The following ZC3H7B variants were observed in gnomAD, a reference collection of about 807,000 sequenced individuals.
The protein encoded by ZC3H7B is zinc finger CCCH domain-containing protein 7B.
ZC3H7B carries 35 observed loss-of-function variants against 116.0 expected under a neutral mutation model. The ratio of observed to expected loss-of-function variants is 0.30; its 90% CI spans 0.23 to 0.40. The LOEUF is 0.40. ZC3H7B is among the 10% of genes least tolerant of loss of function. ZC3H7B has a pLI of 1.00. For synonymous variants in ZC3H7B, 502 were observed against 545.6 expected (o/e 0.92, Z 1.11); for missense variants, 1,011 against 1,321.5 (o/e 0.77, Z 3.64).
At chr22:41,343,873 T>C (rs1240550371) in intron 13 of ZC3H7B, among the ~76,000 whole-genome samples, 6 of 152,064 alleles carry the variant, frequency 3.9e-5, no homozygotes, top group Non-Finnish European at 7.4e-5. Context: ...ACATGACTCA[T>C]AGGGGGCTGG....
intron 1 of ZC3H7B, among the ~76,000 whole-genome samples, chr22:41,307,951 CCAA>C (rs1019085076): frequency 4.6e-5 from 7 of 152,320 alleles, no homozygotes; most frequent in African/African-American, 1.4e-4. Context: ...CTAACTACCA[CCAA>C]CATTTGTGTC....
At chr22:41,352,633 G>T (rs1402289636) in intron 17 of ZC3H7B, among the ~76,000 whole-genome samples, 1 of 151,838 alleles carries the variant, frequency 6.6e-6, no homozygotes, top group Non-Finnish European at 1.5e-5. Flanking sequence ...GTGGTGGCGG[G>T]CGCCTGTAGT....
chr22:41,320,933 C>G (rs958261167), intron 2 of ZC3H7B, among the ~76,000 whole-genome samples: 1 of 152,186 alleles, frequency 6.6e-6, no homozygotes, highest in Non-Finnish European at 1.5e-5. Flanking sequence ...GGTTACCCTT[C>G]AATCTTGTCC....
At chr22:41,329,851 C>T (rs187304924) in intron 5 of ZC3H7B, among the ~76,000 whole-genome samples, 172 bp from the exon 6 acceptor site, 182 of 152,344 alleles carry the variant, frequency 1.2e-3, no homozygotes, top group Middle Eastern at 3.4e-3. Context: ...GGTGCCACCA[C>T]TCACTAGCTG....
In ZC3H7B at chr22:41,339,110, C is replaced by T. The variant is rs768857845; in HGVS notation, c.735C>T (p.Thr245=). ...DLLAPLDSSR[T]LPSTDSLDDF... is the part of the protein sequence containing the mutation. The stretch of plus-strand genomic sequence containing the variant: ...TGGCCCCCCTGGACAGCAGCAGGAC[C>T]CTCCCCAGCACCGACAGCCTGGATG... The change falls in exon 9 of 23, where the codon ACC becomes ACT. Residue 245 remains threonine, a synonymous_variant. Coordinates refer to ENST00000352645, the MANE Select transcript of ZC3H7B (RefSeq NM_017590.6). The T allele has an allele frequency of 3.4e-5, 55 of 1,613,238 alleles. No homozygotes were observed. Among genetic ancestry groups the T allele is most frequent in the Non-Finnish European group, 4.4e-5 (52 of 1,179,698 alleles).
intron 5 of ZC3H7B, among the ~76,000 whole-genome samples, chr22:41,329,535 A>G (rs1359921440): frequency 6.6e-6 from 1 of 152,104 alleles, no homozygotes; most frequent in African/African-American, 2.4e-5. Flanking sequence ...CTGGGATTAC[A>G]GGCATGAGCC....
At chr22:41,337,766 G>A (rs919911136) in intron 7 of ZC3H7B, among the ~76,000 whole-genome samples, 15 of 152,154 alleles carry the variant, frequency 9.9e-5, no homozygotes, top group Admixed American at 2.0e-4. Flanking sequence ...CCCCTCCCTA[G>A]AGGGACAGCT....
At chr22:41,342,916 TA>T (rs2145931936) in intron 12 of ZC3H7B, among the ~76,000 whole-genome samples, 1 of 152,330 alleles carries the variant, frequency 6.6e-6, no homozygotes, top group South Asian at 2.1e-4. Context: ...CTCACACCTG[TA>T]ATCCCAGCAT....
intron 7 of ZC3H7B, chr22:41,333,827 G>A (rs999617885): frequency 1.3e-5 from 2 of 152,246 alleles, no homozygotes; most frequent in Admixed American, 1.3e-4. Flanking sequence ...ACATTAGGCA[G>A]ATCATTTCTG....
Position 41,357,436 on chromosome 22 carries a change from G to C in ZC3H7B, c.*7G>C. 2 of 1,591,576 alleles carry C rather than the reference G, an allele frequency of 1.3e-6. No homozygotes were observed. The highest frequency in any genetic ancestry group is 1.7e-6 in the Non-Finnish European group (2 of 1,166,940). ...CGCCACCACTGGGGAGTAGGGCCAGGTGTTGGCCGTGGGTGAAGTCCTGGG... is the reference window on the plus strand; with the variant it reads ...CGCCACCACTGGGGAGTAGGGCCAGCTGTTGGCCGTGGGTGAAGTCCTGGG... On this transcript the variant is annotated 3_prime_UTR_variant, in exon 23 of 23. Coordinates refer to ENST00000352645, the MANE Select transcript of ZC3H7B (RefSeq NM_017590.6). The surrounding 1 kb of genome is among the most constrained non-coding windows in gnomAD (Gnocchi z 5.4).
At chr22:41,304,257 C>T (rs1275654433) in intron 1 of ZC3H7B, among the ~76,000 whole-genome samples, 1 of 151,940 alleles carries the variant, frequency 6.6e-6, no homozygotes, top group Non-Finnish European at 1.5e-5. Context: ...CAGAGTCTCA[C>T]TCTGTTACCC....
rs1856932087 is a variant in ZC3H7B, at chr22:41,302,791, G to T, written c.-7+1019G>T. 6.6e-6 allele frequency among the ~76,000 whole-genome samples: 1 copy of T among 152,024 alleles called. No homozygotes were observed. Among genetic ancestry groups the T allele is most frequent in the Admixed American group, 6.6e-5 (1 of 15,262 alleles). ...ACCTGATGGCTGTATTGCCAACAGG[G>T]CATTGACGGGGAAGACTAGGGGGCT... On this transcript the variant is annotated intron_variant, in intron 1 of 22. Transcript: ENST00000352645. The surrounding 1 kb of genome is among the most constrained non-coding windows in gnomAD (Gnocchi z 5.7).
At position 41,346,806 on chromosome 22, in the gene ZC3H7B, A is replaced by C. The variant is rs1174246129; in HGVS notation, c.1665+598A>C. ...ACTAGAGACTCCATCTCAAAAAAAAATTAAAAATTAGCTGGGCTTGGTGGC... is the reference window on the plus strand; with the variant it reads ...ACTAGAGACTCCATCTCAAAAAAAACTTAAAAATTAGCTGGGCTTGGTGGC... On this transcript the variant is annotated intron_variant, in intron 14 of 22. Transcript: ENST00000352645. The surrounding 1 kb of genome is among the most constrained non-coding windows in gnomAD (Gnocchi z 5.3). 6.6e-6 allele frequency among the ~76,000 whole-genome samples: 1 copy of C among 152,022 alleles called. No individual in the cohort carries two copies. Among genetic ancestry groups the C allele is most frequent in the East Asian group, 1.9e-4 (1 of 5,188 alleles).
rs1357801916 is a variant in ZC3H7B at position 41,330,070 on chromosome 22, G to A, written c.492G>A (p.Gly164=). 6.2e-7 allele frequency: 1 copy of A among 1,613,950 alleles called. No homozygotes were observed. The highest frequency in any genetic ancestry group is 2.2e-5 in the East Asian group (1 of 44,876). ...QLGQELAQKL[G]LRVRKAYKRP... ...GTCAGGAGCTGGCCCAGAAACTGGGGCTGCGAGTTCGCAAGGCGTATAAGA... is the reference window on the plus strand; with the variant it reads ...GTCAGGAGCTGGCCCAGAAACTGGGACTGCGAGTTCGCAAGGCGTATAAGA... Residue 164 remains glycine (G), a synonymous_variant, in exon 6 of 23, where the codon GGG becomes GGA. Transcript: ENST00000352645.
At chr22:41,320,581 A>T in intron 1 of ZC3H7B, 74 bp from the exon 2 acceptor site, 4 of 1,547,274 alleles carry the variant, frequency 2.6e-6, no homozygotes, top group Non-Finnish European at 3.6e-6. Context: ...CAATCACAGG[A>T]CCCACGAAGT....
chr22:41,314,317 T>G (rs1010270524), intron 1 of ZC3H7B, among the ~76,000 whole-genome samples: 4 of 151,556 alleles, frequency 2.6e-5, no homozygotes, highest in South Asian at 2.1e-4. Flanking sequence ...CCACCAAGCC[T>G]GGCTACTTTT....
At chr22:41,304,237 T>A (rs2036011712) in intron 1 of ZC3H7B, among the ~76,000 whole-genome samples, 1 of 151,530 alleles carries the variant, frequency 6.6e-6, no homozygotes, top group Non-Finnish European at 1.5e-5. Context: ...CTTTCTTTCT[T>A]TTTTTTTGAC....
Position 41,339,063 on chromosome 22 carries a change from T to A in ZC3H7B, c.688T>A (p.Phe230Ile). The part of the protein sequence containing the change: ...LLPSTPTMPL[F>I]PHVLDLLAPL... Reference sequence around the variant, plus strand: ...CCCCTCCACGCCCACGATGCCCCTGTTCCCTCACGTTCTGGACCTGCTGGC... The same window carrying A: ...CCCCTCCACGCCCACGATGCCCCTGATCCCTCACGTTCTGGACCTGCTGGC... The change falls in exon 9 of 23, where the codon TTC (phenylalanine) becomes ATC (isoleucine). Residue 230 changes from phenylalanine (F) to isoleucine (I), a missense_variant. Phe to Ile is a conservative substitution (Grantham distance 21). Around this residue, in one of 5 missense-constraint regions of ZC3H7B, gnomAD observed 322 missense variants for 443.9 expected, o/e 0.73. Transcript: ENST00000352645. 1 of 1,612,202 alleles carries A rather than the reference T, an allele frequency of 6.2e-7. No individual in the cohort carries two copies. The highest frequency in any genetic ancestry group is 1.1e-5 in the South Asian group (1 of 90,546).
chr22:41,327,214 TGAGAAGGCGCTGGAGGACAGC>T lies in ZC3H7B; in HGVS notation c.308_328del (p.Glu103_Leu109del). On this transcript the variant is annotated inframe_deletion, in exon 5 of 23. Transcript: ENST00000352645. This position sits in a 1 kb window ranked among gnomAD's most constrained non-coding sequence, Gnocchi z 4.5. The stretch of plus-strand genomic sequence containing the variant: ...ATGCTCCTCTCTGGCAGGGCCTGTA[TGAGAAGGCGCTGGAGGACAGC>T]GAGAAGGCGCTGGGCCTGGACAGTG... The T allele has an allele frequency of 6.2e-7, 1 of 1,613,880 alleles. No individual in the cohort carries two copies. The highest frequency in any genetic ancestry group is 8.5e-7 in the Non-Finnish European group (1 of 1,180,000).
Sources: allele counts gnomAD v4.1 joint callset (sites outside exome capture counted in the v4.1 genomes callset), GRCh38; gene constraint gnomAD v4.1.1; regional missense constraint gnomAD v4.1.1; non-coding constraint Gnocchi (gnomAD v3.1); transcripts MANE v1.5; gene names NCBI Gene and HGNC (gene_info 2026-07-23, HGNC 2026-07-21).